Variants in MTHFS observed in about 807,000 individuals in gnomAD.
The protein encoded by MTHFS is methenyltetrahydrofolate synthetase, also known as 5-formyltetrahydrofolate cyclo-ligase.
Under a neutral mutation model 12.7 loss-of-function variants are expected in MTHFS, and 7 were observed. The ratio of observed to expected loss-of-function variants is 0.55; its 90% CI spans 0.31 to 1.03. The LOEUF is 1.03. Among genes scored for constraint, MTHFS ranks in the 50% least tolerant of loss-of-function variants. The pLI, the probability that MTHFS is intolerant of heterozygous loss-of-function variation, is 0.05. For missense variants in MTHFS, 252 were observed against 258.1 expected (o/e 0.98, Z 0.16); for synonymous variants, 100 against 97.1 (o/e 1.03, Z -0.18).
chr15:79,857,667 A>T lies in MTHFS; in HGVS notation c.380-12225T>A, dbSNP rs771651947. Reference sequence around the variant, plus strand: ...TAGTTCCAAGTGCCTTTTCACTGCAACTAGCCTTGTTATCTGCTTCAATAA... The same window carrying T: ...TAGTTCCAAGTGCCTTTTCACTGCATCTAGCCTTGTTATCTGCTTCAATAA... On this transcript the variant is annotated intron_variant, in intron 2 of 2. Transcript: ENST00000258874. Among the ~76,000 whole-genome samples the T allele has an allele frequency of 2.0e-5, 3 of 152,170 alleles. No individual in the cohort carries two copies. The South Asian group carries it at 6.2e-4, about 32-fold the overall frequency.
intron 1 of MTHFS, among the ~76,000 whole-genome samples, chr15:79,894,722 T>C (rs748883260): frequency 1.9e-4 from 29 of 152,196 alleles, no homozygotes; most frequent in Non-Finnish European, 3.2e-4. Context: ...TGCCTAAGGC[T>C]AAACACCATT....
intron 2 of MTHFS, among the ~76,000 whole-genome samples, chr15:79,873,097 C>G (rs2034134543): frequency 6.6e-6 from 1 of 152,118 alleles, no homozygotes; most frequent in African/African-American, 2.4e-5. Context: ...GCTTCAGGAC[C>G]CTTCACCTTT....
chr15:79,865,242 C>A (rs1039421923), intron 2 of MTHFS, among the ~76,000 whole-genome samples: 4 of 152,222 alleles, frequency 2.6e-5, no homozygotes, highest in Non-Finnish European at 4.4e-5. Flanking sequence ...AAATATAAGT[C>A]TTAAAATTCA....
At chr15:79,880,244 T>C (rs2034273891) in intron 2 of MTHFS, among the ~76,000 whole-genome samples, 1 of 152,010 alleles carries the variant, frequency 6.6e-6, no homozygotes, top group Non-Finnish European at 1.5e-5. Flanking sequence ...TAATTCTTTT[T>C]CTTTTTTTGT....
intron 2 of MTHFS, among the ~76,000 whole-genome samples, chr15:79,847,459 C>T (rs190060827): frequency 5.4e-4 from 82 of 151,934 alleles, no homozygotes; most frequent in Non-Finnish European, 6.5e-4. Context: ...CAGAGGCGGG[C>T]GGATCATGAG....
intron 2 of MTHFS, among the ~76,000 whole-genome samples, chr15:79,852,618 T>C (rs1239114951): frequency 6.6e-6 from 1 of 152,200 alleles, no homozygotes; most frequent in Non-Finnish European, 1.5e-5. Flanking sequence ...TTCTGCATTC[T>C]TACTATAAAA....
At chr15:79,874,836 G>A (rs1394845637) in intron 2 of MTHFS, among the ~76,000 whole-genome samples, 7 of 152,024 alleles carry the variant, frequency 4.6e-5, no homozygotes, top group African/African-American at 1.2e-4. Context: ...TGTTCTGCCC[G>A]GCTCTCAGGC....
chr15:79,870,649 G>A (rs1486492724), intron 2 of MTHFS, among the ~76,000 whole-genome samples: 1 of 152,010 alleles, frequency 6.6e-6, no homozygotes, highest in Non-Finnish European at 1.5e-5. Flanking sequence ...CAAGAATAAA[G>A]AAGATATGCT....
At chr15:79,864,609 A>G (rs959463933) in intron 2 of MTHFS, among the ~76,000 whole-genome samples, 1 of 145,766 alleles carries the variant, frequency 6.9e-6, no homozygotes, top group Non-Finnish European at 1.5e-5. Context: ...CCAGAAACTG[A>G]GCTTTCATAG....
intron 2 of MTHFS, among the ~76,000 whole-genome samples, chr15:79,883,665 G>A (rs745723274): frequency 2.6e-5 from 4 of 151,060 alleles, no homozygotes; most frequent in African/African-American, 7.3e-5. Flanking sequence ...ACTACAAGGC[G>A]AACTGTACTA....
intron 2 of MTHFS, among the ~76,000 whole-genome samples, chr15:79,873,026 A>G (rs2586154): frequency 0.87 from 133,060 of 152,188 alleles, 58,343 homozygotes; most frequent in East Asian, 1. Flanking sequence ...AGTCAACACC[A>G]CAGGGCACTC....
At chr15:79,883,425 G>A (rs956174749) in intron 2 of MTHFS, among the ~76,000 whole-genome samples, 11 of 152,206 alleles carry the variant, frequency 7.2e-5, no homozygotes, top group Middle Eastern at 6.8e-3. Context: ...CATATGACTA[G>A]GTACCAGGGA....
At chr15:79,873,455 T>C (rs1463976543) in intron 2 of MTHFS, among the ~76,000 whole-genome samples, 2 of 152,182 alleles carry the variant, frequency 1.3e-5, no homozygotes, top group Admixed American at 6.5e-5. Flanking sequence ...TATTACATTA[T>C]GCATCTCTCC....
At chr15:79,893,866 T>C (rs1480790947) in intron 1 of MTHFS, among the ~76,000 whole-genome samples, 1 of 152,292 alleles carries the variant, frequency 6.6e-6, no homozygotes, top group East Asian at 1.9e-4. Flanking sequence ...CCTGAATTTC[T>C]TTACCATTTA....
At chr15:79,877,875 A>G (rs1397235910) in intron 2 of MTHFS, 1 of 152,130 alleles carries the variant, frequency 6.6e-6, no homozygotes, top group Non-Finnish European at 1.5e-5. Context: ...AAGGAAAAAA[A>G]ATACATATGT....
At chr15:79,870,323 G>A (rs2034081015) in intron 2 of MTHFS, among the ~76,000 whole-genome samples, 1 of 152,146 alleles carries the variant, frequency 6.6e-6, no homozygotes, top group South Asian at 2.1e-4. Flanking sequence ...ACCGTCTATG[G>A]TTTCTTTCAT....
chr15:79,878,235 G>A (rs2034234466), intron 2 of MTHFS: 2 of 151,948 alleles, frequency 1.3e-5, no homozygotes, highest in South Asian at 4.1e-4. Flanking sequence ...TGAATTAGGA[G>A]GACAAGAGAG....
At chr15:79,862,290 C>T (rs1318014883) in intron 2 of MTHFS, among the ~76,000 whole-genome samples, 1 of 152,206 alleles carries the variant, frequency 6.6e-6, no homozygotes, top group African/African-American at 2.4e-5. Context: ...GTAACATCAA[C>T]CTTTCCCTCA....
chr15:79,851,300 C>A (rs2033713232), intron 2 of MTHFS, among the ~76,000 whole-genome samples: 1 of 152,178 alleles, frequency 6.6e-6, no homozygotes, highest in Non-Finnish European at 1.5e-5. Flanking sequence ...CTTCTCCCTT[C>A]CTTCTAGGAA....
Sources: allele counts gnomAD v4.1 joint callset (sites outside exome capture counted in the v4.1 genomes callset), GRCh38; gene constraint gnomAD v4.1.1; transcripts MANE v1.5; gene names NCBI Gene and HGNC (gene_info 2026-07-23, HGNC 2026-07-21).